The following MDGA2 variants were observed in gnomAD, a reference collection of about 807,000 sequenced individuals.
MDGA2 encodes MAM domain containing glycosylphosphatidylinositol anchor 2.
Under a neutral mutation model 117.8 loss-of-function variants are expected in MDGA2, and 40 were observed. That is an observed-to-expected ratio of 0.34 (90% confidence interval 0.26 to 0.44). The LOEUF (loss-of-function observed/expected upper bound fraction) is 0.44. MDGA2 is among the 20% of genes least tolerant of loss of function. The pLI is 1.00. For synonymous variants in MDGA2, 452 were observed against 439.0 expected, an observed-to-expected ratio of 1.03 and a Z score of -0.37; for missense variants, 1,123 against 1,250.6, an observed-to-expected ratio of 0.90 and a Z score of 1.54.
chr14:47,326,142 A>C (rs1368892433), intron 1 of MDGA2, among the ~76,000 whole-genome samples: 5 of 152,154 alleles, frequency 3.3e-5, no homozygotes, highest in Non-Finnish European at 7.4e-5. Flanking sequence ...TACTTCAGTG[A>C]ATGGTACCAA....
At chr14:47,193,769 G>T (rs1317937697) in intron 3 of MDGA2, among the ~76,000 whole-genome samples, 1 of 152,116 alleles carries the variant, frequency 6.6e-6, no homozygotes, top group Middle Eastern at 3.2e-3. Context: ...CTTTCTTCGG[G>T]TGCTTTTCAG....
chr14:47,089,913 G>C (rs1319261534), intron 6 of MDGA2, among the ~76,000 whole-genome samples: 1 of 151,968 alleles, frequency 6.6e-6, no homozygotes, highest in Non-Finnish European at 1.5e-5. Flanking sequence ...TGGTTAAAAA[G>C]TTAATGCATA....
intron 5 of MDGA2, among the ~76,000 whole-genome samples, chr14:47,131,082 T>A: frequency 6.6e-6 from 1 of 151,898 alleles, no homozygotes; most frequent in African/African-American, 2.4e-5. Context: ...CAGTTCAAAT[T>A]TTAATTTATT....
At chr14:47,240,703 C>T (rs564435087) in intron 2 of MDGA2, among the ~76,000 whole-genome samples, 3 of 151,960 alleles carry the variant, frequency 2.0e-5, no homozygotes, top group East Asian at 3.9e-4. Context: ...GAATATTGCA[C>T]ACACAACTGA....
chr14:47,431,177 A>G (rs1292043726), intron 1 of MDGA2, among the ~76,000 whole-genome samples: 1 of 152,048 alleles, frequency 6.6e-6, no homozygotes, highest in African/African-American at 2.4e-5. Flanking sequence ...ATATTCCTGT[A>G]TGAATCCTTA....
chr14:47,165,625 T>C (rs951126538), intron 3 of MDGA2, among the ~76,000 whole-genome samples: 1 of 152,164 alleles, frequency 6.6e-6, no homozygotes, highest in African/African-American at 2.4e-5. Context: ...TGCTTCCATT[T>C]CTAGGTTCCA....
chr14:47,560,213 G>A (rs1049183127), intron 1 of MDGA2, among the ~76,000 whole-genome samples: 3 of 151,672 alleles, frequency 2.0e-5, no homozygotes, highest in South Asian at 2.1e-4. Context: ...GACTACAGGC[G>A]CCCGCCACCA....
At chr14:47,343,947 C>G (rs1594808303) in intron 1 of MDGA2, among the ~76,000 whole-genome samples, 1 of 152,232 alleles carries the variant, frequency 6.6e-6, no homozygotes, top group South Asian at 2.1e-4. Flanking sequence ...CTTTAAGGCT[C>G]ACTGATTTAT....
At chr14:46,916,217 A>G (rs1883891292) in intron 10 of MDGA2, among the ~76,000 whole-genome samples, 1 of 151,936 alleles carries the variant, frequency 6.6e-6, no homozygotes, top group Non-Finnish European at 1.5e-5. Flanking sequence ...AAAGCTCATC[A>G]CTTCCTACTC....
intron 1 of MDGA2, among the ~76,000 whole-genome samples, chr14:47,620,157 T>C (rs568528787): frequency 2.0e-5 from 3 of 152,390 alleles, no homozygotes; most frequent in South Asian, 4.1e-4. Flanking sequence ...GAATTGATGC[T>C]ACATTTTAGA....
intron 14 of MDGA2, among the ~76,000 whole-genome samples, chr14:46,868,342 T>G (rs902753): frequency 0.046 from 6,926 of 151,974 alleles, 173 homozygotes; most frequent in African/African-American, 0.052. Context: ...TTAATTTTTT[T>G]GGGGGAGTAC....
intron 15 of MDGA2, among the ~76,000 whole-genome samples, chr14:46,849,150 T>C (rs543296499): frequency 3.3e-5 from 5 of 152,096 alleles, no homozygotes; most frequent in African/African-American, 1.2e-4. Flanking sequence ...CTTAGTACAG[T>C]CATAATTTGT....
chr14:47,396,387 T>C (rs1364703068), intron 1 of MDGA2, among the ~76,000 whole-genome samples: 1 of 152,044 alleles, frequency 6.6e-6, no homozygotes, highest in Non-Finnish European at 1.5e-5. Flanking sequence ...ATTAGGACTC[T>C]AGAAAAAACC....
chr14:47,591,378 C>T (rs895290080), intron 1 of MDGA2, among the ~76,000 whole-genome samples: 1 of 152,234 alleles, frequency 6.6e-6, no homozygotes, highest in Admixed American at 6.5e-5. Context: ...CAAAGAGGAG[C>T]TGGTACCATT....
chr14:47,593,398 T>C (rs1777808371), intron 1 of MDGA2, among the ~76,000 whole-genome samples: 1 of 152,210 alleles, frequency 6.6e-6, no homozygotes, highest in Non-Finnish European at 1.5e-5. Context: ...CCCAAAGGAA[T>C]GTATCATTCT....
At chr14:47,657,371 G>A (rs1310198539) in intron 1 of MDGA2, among the ~76,000 whole-genome samples, 1 of 152,108 alleles carries the variant, frequency 6.6e-6, no homozygotes, top group Non-Finnish European at 1.5e-5. Flanking sequence ...TGCATCAATA[G>A]ACACAAAAGG....
At chr14:47,156,082 A>G (rs1397782656) in intron 3 of MDGA2, among the ~76,000 whole-genome samples, 5 of 150,440 alleles carry the variant, frequency 3.3e-5, no homozygotes, top group Non-Finnish European at 7.4e-5. Flanking sequence ...TAATTTTTGT[A>G]TTTTTAGTAG....
At chr14:47,242,748 G>C (rs992089801) in intron 2 of MDGA2, among the ~76,000 whole-genome samples, 1 of 151,890 alleles carries the variant, frequency 6.6e-6, no homozygotes, top group African/African-American at 2.4e-5. Context: ...GCCCCTGTGC[G>C]GCCCGAGCCT....
rs1892479129 is a variant in MDGA2, at chr14:47,416,532, GT to G, written c.281-114983del. The stretch of plus-strand genomic sequence containing the variant: ...GAATCACATGAAGGCTACCCTGCTG[GT>G]CCAGAGTCACAAAAGTGCCCACATC... On this transcript the variant is annotated intron_variant, in intron 1 of 16. Coordinates refer to ENST00000399232, the MANE Select transcript of MDGA2 (RefSeq NM_001113498.3). Among the ~76,000 whole-genome samples the G allele has an allele frequency of 2.6e-5, 4 of 152,214 alleles. No homozygotes were observed. In the South Asian group the frequency reaches 8.3e-4, roughly 32 times the overall value.
Sources: gnomAD v4.1 joint callset for allele counts (sites outside exome capture counted in the v4.1 genomes callset) on GRCh38, gnomAD v4.1.1 for gene constraint, MANE v1.5 for transcripts, NCBI Gene and HGNC (gene_info 2026-07-23, HGNC 2026-07-21) for gene names.